The following CNKSR3 variants were observed in gnomAD, a reference collection of about 807,000 sequenced individuals.
CNKSR3 encodes the protein connector enhancer of kinase suppressor of ras 3.
In CNKSR3, 36 loss-of-function variants were observed where a neutral mutation model predicts 67.7. That is an observed-to-expected ratio of 0.53 (90% CI 0.41 to 0.70). The LOEUF is 0.70. CNKSR3 is among the 30% of genes least tolerant of loss of function. The probability of loss-of-function intolerance (pLI) is 0.00; values close to 1 mark genes in which losing one functional copy is unlikely to be tolerated. For missense variants in CNKSR3, 630 were observed against 695.2 expected (o/e 0.91, Z 1.05); for synonymous variants, 281 against 271.4 (o/e 1.04, Z -0.35).
chr6:154,453,336 C>T (rs9384223), intron 1 of CNKSR3, among the ~76,000 whole-genome samples: 110,731 of 152,038 alleles, frequency 0.73, 40,895 homozygotes, highest in East Asian at 0.9. Flanking sequence ...ACTGAAAAGG[C>T]TGAGATGGGA....
chr6:154,447,197 G>A (rs1310240171), intron 2 of CNKSR3, among the ~76,000 whole-genome samples: 1 of 152,166 alleles, frequency 6.6e-6, no homozygotes, highest in Admixed American at 6.5e-5. Context: ...CTGGCCAACA[G>A]AACTCTATGC....
intron 4 of CNKSR3, among the ~76,000 whole-genome samples, chr6:154,438,064 G>A (rs772770706): frequency 2.0e-5 from 3 of 152,016 alleles, no homozygotes; most frequent in African/African-American, 4.8e-5. Flanking sequence ...CCAAAGTTCT[G>A]GTATTACAGG....
intron 1 of CNKSR3, among the ~76,000 whole-genome samples, chr6:154,484,458 C>A: frequency 6.6e-6 from 1 of 152,290 alleles, no homozygotes; most frequent in African/African-American, 2.4e-5. Context: ...GTAATCCCAA[C>A]GCTTTGGCAG....
chr6:154,487,448 A>G (rs889525988), intron 1 of CNKSR3, among the ~76,000 whole-genome samples: 1 of 152,208 alleles, frequency 6.6e-6, no homozygotes, highest in Non-Finnish European at 1.5e-5. Flanking sequence ...ATGTACATAA[A>G]TTGGCCAACG....
chr6:154,450,066 C>T (rs193089347), intron 2 of CNKSR3, 29 bp downstream of exon 2: 13 of 1,604,092 alleles, frequency 8.1e-6, no homozygotes, highest in South Asian at 3.3e-5. Flanking sequence ...AACGTCATCA[C>T]GGTACAGACC....
chr6:154,405,848 G>A lies in CNKSR3; in HGVS notation c.*506C>T, dbSNP rs41292908. The A allele has an allele frequency of 6.8e-3, 1,067 of 158,010 alleles. 9 individuals are homozygous for A. The highest frequency in any genetic ancestry group is 0.011 in the Non-Finnish European group (777 of 71,484). 9.8% of individuals were successfully genotyped at this position (158,010 alleles called of 1,614,324 possible). A position where few individuals can be genotyped will look rare whatever the true frequency, so the allele number is the denominator to read the frequency against. On this transcript the variant is annotated 3_prime_UTR_variant, in exon 13 of 13. Coordinates refer to ENST00000607772, the MANE Select transcript of CNKSR3 (RefSeq NM_173515.4). ...AAAGGAGAAATCAGATACTTGCCAC[G>A]TTATTGCAAAGTCAAAGCTGCTACA...
intron 1 of CNKSR3, among the ~76,000 whole-genome samples, chr6:154,483,909 T>G (rs1284365486): frequency 6.6e-6 from 1 of 152,218 alleles, no homozygotes; most frequent in African/African-American, 2.4e-5. Context: ...ATAAGGCTTC[T>G]TGATTGGGAC....
In CNKSR3 at chr6:154,414,334, A is replaced by C. The variant is rs776556939; in HGVS notation, c.1035T>G (p.Tyr345Ter). ...KKEKSAILDLYIPPPPAVPYS... is the reference protein window; with the variant it reads ...KKEKSAILDL The stretch of plus-strand genomic sequence containing the variant: ...AGGGAACAGCAGGCGGAGGAGGAAT[A>C]TAAAGATCCAGGATGGCTGACTTCT... The change falls in exon 10 of 13, where the codon TAT (tyrosine) becomes TAG (stop). Residue 345 changes from tyrosine (Y) to a stop codon, truncating the protein, a stop_gained. Coordinates refer to ENST00000607772, the MANE Select transcript of CNKSR3 (RefSeq NM_173515.4). LOFTEE classifies it high-confidence loss of function. 1 of 1,611,532 alleles carries C rather than the reference A, an allele frequency of 6.2e-7. No individual in the cohort carries two copies. The highest frequency in any genetic ancestry group is 8.5e-7 in the Non-Finnish European group (1 of 1,178,986).
Position 154,396,402 on chromosome 6 carries a change from TTAATA to T in CNKSR3, c.*9947_*9951del, listed in dbSNP as rs1784661588. ...TTTATGGAATAGTCTGCAAAATGCT[TTAATA>T]TATTAATAAAATTAAAACAATTTTC... On this transcript the variant is annotated 3_prime_UTR_variant, in exon 13 of 13. Coordinates refer to ENST00000607772, the MANE Select transcript of CNKSR3 (RefSeq NM_173515.4). 1 of 152,218 alleles carries T rather than the reference TTAATA, an allele frequency of 6.6e-6. No homozygotes were observed. Among genetic ancestry groups the T allele is most frequent in the Non-Finnish European group, 1.5e-5 (1 of 68,048 alleles). The allele number at this position is 152,218 out of a possible 1,614,324, so 9.4% of individuals were successfully genotyped here.
chr6:154,424,246 AAAG>A lies in CNKSR3; in HGVS notation c.730-1266_730-1264del, dbSNP rs1252708440. On this transcript the variant is annotated intron_variant, in intron 7 of 12. Coordinates refer to ENST00000607772, the MANE Select transcript of CNKSR3 (RefSeq NM_173515.4). ...ACTCCGTCTCAAAAAAAAAAAAAAA[AAAG>A]AAAAGAAAAAAGAAATATAAAGGGA... Among the ~76,000 whole-genome samples the A allele has an allele frequency of 8.0e-5, 12 of 150,242 alleles. 1 individual carries two copies. The highest frequency in any genetic ancestry group is 1.7e-4 in the African/African-American group (7 of 40,416).
Position 154,442,100 on chromosome 6 carries a change from G to T in CNKSR3, c.407C>A (p.Ala136Glu). The T allele has an allele frequency of 6.2e-6, 10 of 1,606,898 alleles. No individual in the cohort carries two copies. The highest frequency in any genetic ancestry group is 8.5e-6 in the Non-Finnish European group (10 of 1,174,298). The change falls in exon 3 of 13, where the codon GCG becomes GAG. Residue 136 changes from alanine to glutamate, a missense_variant. Physicochemically the swap from Ala to Glu is moderately radical, Grantham distance 107. Transcript: ENST00000607772. Reference protein sequence around the residue: ...ELIGAAKALLAWLDRAPFTGI... With the variant: ...ELIGAAKALLEWLDRAPFTGI... ...ATCTCCAACTTACCGGTCCAGCCAC[G>T]CCAGCAGGGCCTTGGCGGCGCCGAT...
intron 12 of CNKSR3, among the ~76,000 whole-genome samples, chr6:154,408,376 A>G (rs1369276108): frequency 6.6e-6 from 1 of 152,208 alleles, no homozygotes; most frequent in Non-Finnish European, 1.5e-5. Flanking sequence ...ATACAGGAAC[A>G]ACTGGAAATC....
chr6:154,495,542 A>ATTTTT (rs57229246), intron 1 of CNKSR3, among the ~76,000 whole-genome samples: 1 of 138,920 alleles, frequency 7.2e-6, no homozygotes, highest in Non-Finnish European at 1.6e-5. Flanking sequence ...TCATTTTAAC[A>ATTTTT]TTTTTTTTTT....
At chr6:154,427,877 A>G (rs1396827203) in intron 7 of CNKSR3, among the ~76,000 whole-genome samples, 2 of 152,210 alleles carry the variant, frequency 1.3e-5, no homozygotes, top group Non-Finnish European at 2.9e-5. Flanking sequence ...TGCAAAAGGA[A>G]TAATTAACAC....
intron 9 of CNKSR3, among the ~76,000 whole-genome samples, chr6:154,420,907 A>C (rs559774923): frequency 6.6e-6 from 1 of 152,330 alleles, no homozygotes; most frequent in South Asian, 2.1e-4. Flanking sequence ...GTATCTGTCA[A>C]TTAAAAAGTG....
rs1270208282 is a variant in CNKSR3, at chr6:154,507,055, T to A, written c.52+3008A>T. ...CTGTGTGTGACTCGGTTTCCTCAAC[T>A]GCAAAATGGAAATAACTGTTCCTAC... On this transcript the variant is annotated intron_variant, in intron 1 of 12. Coordinates refer to ENST00000607772, the MANE Select transcript of CNKSR3 (RefSeq NM_173515.4). 4.6e-5 allele frequency among the ~76,000 whole-genome samples: 7 copies of A among 152,300 alleles called. No homozygotes were observed. In the East Asian group the frequency reaches 5.8e-4, roughly 13 times the overall value.
chr6:154,478,451 C>T (rs1027885309), intron 1 of CNKSR3: 1 of 152,974 alleles, frequency 6.5e-6, no homozygotes, highest in Non-Finnish European at 1.5e-5. Context: ...TTCATCACTT[C>T]TCCCTTCTGC....
rs575390321 is a variant in CNKSR3, at chr6:154,487,865, C to G, written c.52+22198G>C. The stretch of plus-strand genomic sequence containing the variant: ...TTACCAAAGACCTTTATTGCCAGGG[C>G]CCTAATTTGAACAAACAGATGCCAT... On this transcript the variant is annotated intron_variant, in intron 1 of 12. Coordinates refer to ENST00000607772, the MANE Select transcript of CNKSR3 (RefSeq NM_173515.4). 2.0e-5 allele frequency among the ~76,000 whole-genome samples: 3 copies of G among 152,226 alleles called. No homozygotes were observed. In the South Asian group the frequency reaches 6.2e-4, roughly 32 times the overall value.
At chr6:154,469,118 A>G (rs1237540207) in intron 1 of CNKSR3, among the ~76,000 whole-genome samples, 1 of 152,222 alleles carries the variant, frequency 6.6e-6, no homozygotes. Context: ...TGACATCTTG[A>G]GTCAATATTT....
Sources: allele counts gnomAD v4.1 joint callset (sites outside exome capture counted in the v4.1 genomes callset), GRCh38; gene constraint gnomAD v4.1.1; transcripts MANE v1.5; gene names NCBI Gene and HGNC (gene_info 2026-07-23, HGNC 2026-07-21).